The following PIK3C2G variants were observed in gnomAD, a reference collection of about 807,000 sequenced individuals.
The protein encoded by PIK3C2G is phosphatidylinositol 3-kinase C2 domain-containing subunit gamma.
In PIK3C2G, 168 loss-of-function variants were observed where a neutral mutation model predicts 181.1. The observed-to-expected ratio is 0.93, with a 90% CI of 0.82 to 1.05. The LOEUF (loss-of-function observed/expected upper bound fraction) is 1.05. Among genes scored for constraint, PIK3C2G ranks in the 50% least tolerant of loss-of-function variants. The probability of loss-of-function intolerance (pLI) is 0.00; values close to 1 mark genes in which losing one functional copy is unlikely to be tolerated. For missense variants in PIK3C2G, 1,869 were observed against 1,732.8 expected, an observed-to-expected ratio of 1.08 and a Z score of -1.40; for synonymous variants, 573 against 592.2, an observed-to-expected ratio of 0.97 and a Z score of 0.47.
At chr12:18,640,129 T>C (rs2136791234) in intron 31 of PIK3C2G, among the ~76,000 whole-genome samples, 3 of 152,018 alleles carry the variant, frequency 2.0e-5, no homozygotes, top group Admixed American at 2.0e-4. Flanking sequence ...TGACCATATC[T>C]GTCAAAATGC....
At chr12:18,597,345 A>G (rs181921300) in intron 30 of PIK3C2G, among the ~76,000 whole-genome samples, 82 of 152,264 alleles carry the variant, frequency 5.4e-4, no homozygotes, top group African/African-American at 1.8e-3. Context: ...AGCTGCTAAA[A>G]CAAAAGTAAC....
upstream of PIK3C2G, among the ~76,000 whole-genome samples, chr12:18,244,281 T>C (rs192550022): frequency 9.9e-5 from 15 of 152,040 alleles, no homozygotes; most frequent in African/African-American, 3.6e-4. Flanking sequence ...TAGCAGAGCC[T>C]AAAATAAAAA....
At chr12:18,695,116 A>T in the PIK3C2G span, 1 of 1,579,252 alleles carries the variant, frequency 6.3e-7, no homozygotes, top group African/African-American at 1.4e-5. Flanking sequence ...GTCAGGTAAT[A>T]GAGAATACAA....
chr12:18,518,708 G>A (rs1942719291), intron 24 of PIK3C2G, among the ~76,000 whole-genome samples: 1 of 151,782 alleles, frequency 6.6e-6, no homozygotes, highest in Non-Finnish European at 1.5e-5. Flanking sequence ...TTTTTTTGGA[G>A]GTTTTTTGTA....
intron 30 of PIK3C2G, among the ~76,000 whole-genome samples, chr12:18,607,371 A>G (rs1375289328): frequency 2.0e-5 from 3 of 152,170 alleles, no homozygotes; most frequent in African/African-American, 7.2e-5. Context: ...AATGGAACAG[A>G]ACAGAGCCCT....
At chr12:18,681,749 G>T in the PIK3C2G span, among the ~76,000 whole-genome samples, 3 of 152,004 alleles carry the variant, frequency 2.0e-5, no homozygotes, top group African/African-American at 7.2e-5. Flanking sequence ...CAAAATTAGT[G>T]AGATAAGTTT....
At chr12:18,294,339 T>C (rs568431864) in intron 5 of PIK3C2G, among the ~76,000 whole-genome samples, 1 of 152,088 alleles carries the variant, frequency 6.6e-6, no homozygotes, top group Non-Finnish European at 1.5e-5. Flanking sequence ...CTAGGACAAG[T>C]TGCTCATCCT....
In PIK3C2G at chr12:18,316,364, G is replaced by A. The variant is rs139635933; in HGVS notation, c.1137+2300G>A. Among the ~76,000 whole-genome samples, 345 of 152,272 alleles carry A rather than the reference G, an allele frequency of 2.3e-3. 3 individuals are homozygous for A. The highest frequency in any genetic ancestry group is 5.3e-4 in the Non-Finnish European group (36 of 68,028). On this transcript the variant is annotated intron_variant, in intron 6 of 32. Transcript: ENST00000538779. ...AGATAATCATATTGCTGTCATCACC[G>A]TTGTTGTCATGTCCAGGGACAAGCA...
At chr12:18,403,284 C>A (rs1944353995) in intron 16 of PIK3C2G, among the ~76,000 whole-genome samples, 1 of 152,028 alleles carries the variant, frequency 6.6e-6, no homozygotes, top group African/African-American at 2.4e-5. Flanking sequence ...TTAGTAGAAT[C>A]CTGATTTATT....
At chr12:18,673,436 C>G in the PIK3C2G span, among the ~76,000 whole-genome samples, 30 of 151,996 alleles carry the variant, frequency 2.0e-4, no homozygotes, top group Admixed American at 7.9e-4. Context: ...CTTTTTACAT[C>G]CATTATGGAA....
upstream of PIK3C2G, among the ~76,000 whole-genome samples, chr12:18,244,484 C>T (rs953139067): frequency 7.2e-5 from 11 of 151,986 alleles, no homozygotes; most frequent in East Asian, 2.1e-3. Flanking sequence ...TGGTAGAATT[C>T]TGAGCTTATC....
the PIK3C2G span, chr12:18,683,276 G>A: frequency 6.2e-7 from 1 of 1,612,580 alleles, no homozygotes; most frequent in Non-Finnish European, 8.5e-7. Flanking sequence ...CAGTGAAGCA[G>A]GCTCAAGGCT....
At chr12:18,373,826 C>A (rs1284556216) in intron 13 of PIK3C2G, among the ~76,000 whole-genome samples, 1 of 151,940 alleles carries the variant, frequency 6.6e-6, no homozygotes, top group East Asian at 1.9e-4. Context: ...GCACTCCAGC[C>A]TGGGCGACAG....
intron 26 of PIK3C2G, among the ~76,000 whole-genome samples, chr12:18,548,511 A>G (rs896136478): frequency 6.6e-6 from 1 of 151,992 alleles, no homozygotes; most frequent in Non-Finnish European, 1.5e-5. Context: ...TGAGATCTGT[A>G]AAGAGCATAA....
In PIK3C2G at chr12:18,601,691, T is replaced by G. The variant is rs1947724001; in HGVS notation, c.4087+7122T>G. Among the ~76,000 whole-genome samples, 3 of 152,124 alleles carry G rather than the reference T, an allele frequency of 2.0e-5. No homozygotes were observed. In the South Asian group the frequency reaches 6.2e-4, roughly 32 times the overall value. On this transcript the variant is annotated intron_variant, in intron 30 of 32. Coordinates refer to ENST00000538779, the MANE Select transcript of PIK3C2G (RefSeq NM_001288772.2). Reference sequence around the variant, plus strand: ...GGCATGGAATTTTTTTTCATTCAAATTACCAATGTCATTTTTCACAGAGTT... The same window carrying G: ...GGCATGGAATTTTTTTTCATTCAAAGTACCAATGTCATTTTTCACAGAGTT...
rs372345266 is a variant in PIK3C2G, at chr12:18,354,789, T to C, written c.1625+7953T>C. On this transcript the variant is annotated intron_variant, in intron 11 of 32. Coordinates refer to ENST00000538779, the MANE Select transcript of PIK3C2G (RefSeq NM_001288772.2). ...GATGGTGGAGACAGTTGGTTGCCCATTCTGAAAGACAAGGAAATAGGTATC... is the reference window on the plus strand; with the variant it reads ...GATGGTGGAGACAGTTGGTTGCCCACTCTGAAAGACAAGGAAATAGGTATC... 4.2e-3 allele frequency among the ~76,000 whole-genome samples: 635 copies of C among 152,328 alleles called. 1 individual carries two copies. Among genetic ancestry groups the C allele is most frequent in the African/African-American group, 0.014 (593 of 41,582 alleles).
chr12:18,599,842 C>T (rs1010022574), intron 30 of PIK3C2G, among the ~76,000 whole-genome samples: 36 of 151,838 alleles, frequency 2.4e-4, no homozygotes, highest in Non-Finnish European at 4.3e-4. Flanking sequence ...GGCTAAAAAG[C>T]ATTGAATTAA....
chr12:18,363,106 T>C (rs1028340239), intron 12 of PIK3C2G: 10 of 366,324 alleles, frequency 2.7e-5, no homozygotes, highest in East Asian at 2.5e-4. Flanking sequence ...ATTCACATTA[T>C]TGAACTGAGA....
chr12:18,633,611 C>T (rs562187687), intron 31 of PIK3C2G, among the ~76,000 whole-genome samples: 144 of 152,260 alleles, frequency 9.5e-4, no homozygotes, highest in African/African-American at 3.3e-3. Flanking sequence ...AAGAGTTGCC[C>T]TAAATGATCG....
Sources: allele counts gnomAD v4.1 joint callset (sites outside exome capture counted in the v4.1 genomes callset), GRCh38; gene constraint gnomAD v4.1.1; transcripts MANE v1.5; gene names NCBI Gene and HGNC (gene_info 2026-07-23, HGNC 2026-07-21).